Variants in PLBD1 observed in about 807,000 individuals in gnomAD.
PLBD1 encodes the protein lysosomal leucine aminopeptidase.
Under a neutral mutation model 63.0 loss-of-function variants are expected in PLBD1, and 60 were observed. The ratio of observed to expected loss-of-function variants is 0.95; its 90% CI spans 0.77 to 1.18. The LOEUF (loss-of-function observed/expected upper bound fraction) is 1.18, where lower values mean the gene tolerates loss of function less well. PLBD1 is among the 50% of genes most tolerant of loss of function. The pLI, the probability that PLBD1 is intolerant of heterozygous loss-of-function variation, is 0.00. For synonymous variants in PLBD1, 262 were observed against 248.0 expected (o/e 1.06, Z -0.53); for missense variants, 598 against 677.9 (o/e 0.88, Z 1.31).
chr12:14,504,464 T>C (rs748724650), intron 10 of PLBD1, among the ~76,000 whole-genome samples: 19 of 152,254 alleles, frequency 1.2e-4, no homozygotes, highest in Admixed American at 2.0e-4. Flanking sequence ...AAATGAACAA[T>C]GTAGCCAAAA....
chr12:14,530,923 A>T (rs1209076559), intron 6 of PLBD1: 1 of 152,244 alleles, frequency 6.6e-6, no homozygotes, highest in African/African-American at 2.4e-5. Context: ...CTTGTTAGGG[A>T]CAGAAACTCC....
intron 5 of PLBD1, chr12:14,536,264 A>G (rs1945513768): frequency 3.3e-6 from 1 of 299,694 alleles, no homozygotes; most frequent in Non-Finnish European, 6.3e-6. Context: ...ACACCACTGC[A>G]CTCCAGCCTG....
At chr12:14,518,626 A>G (rs1490878381) in intron 6 of PLBD1, among the ~76,000 whole-genome samples, 1 of 152,176 alleles carries the variant, frequency 6.6e-6, no homozygotes, top group African/African-American at 2.4e-5. Flanking sequence ...AGTTCCTACC[A>G]TGTCCACATC....
intron 2 of PLBD1, among the ~76,000 whole-genome samples, chr12:14,551,552 A>AT (rs1290420223): frequency 6.6e-6 from 1 of 152,080 alleles, no homozygotes; most frequent in Non-Finnish European, 1.5e-5. Context: ...GTTAAAGCTT[A>AT]TTTTTTTCTG....
chr12:14,505,713 A>G (rs17344514), intron 10 of PLBD1, among the ~76,000 whole-genome samples: 2,921 of 152,318 alleles, frequency 0.019, 28 homozygotes, highest in Middle Eastern at 0.034. Flanking sequence ...TTGCTCCTTC[A>G]GCTAAATTTG....
chr12:14,505,818 T>C (rs1945250133), intron 10 of PLBD1, among the ~76,000 whole-genome samples: 1 of 152,248 alleles, frequency 6.6e-6, no homozygotes, highest in African/African-American at 2.4e-5. Flanking sequence ...AACATCATTA[T>C]GGTTGTATAC....
chr12:14,511,085 ATGTAGGTTTACATGT>A (rs1945293996), intron 8 of PLBD1, among the ~76,000 whole-genome samples, 160 bp downstream of exon 8: 1 of 152,162 alleles, frequency 6.6e-6, no homozygotes, highest in South Asian at 2.1e-4. Context: ...AGAGTTTGAG[ATGTAGGTTTACATGT>A]TGTGCTAAAC....
At chr12:14,512,624 G>T (rs1396543499) in intron 6 of PLBD1, among the ~76,000 whole-genome samples, 2 of 152,158 alleles carry the variant, frequency 1.3e-5, no homozygotes, top group Non-Finnish European at 2.9e-5. Flanking sequence ...TTTATACTGG[G>T]ATGAGTATGG....
chr12:14,507,164 G>A, intron 8 of PLBD1, 46 bp from the exon 9 acceptor site: 1 of 1,421,884 alleles, frequency 7.0e-7, no homozygotes, highest in Admixed American at 1.9e-5. Flanking sequence ...GACAGGGAAG[G>A]AGACAGAAAA....
intron 4 of PLBD1, among the ~76,000 whole-genome samples, chr12:14,537,075 C>T (rs1020789757): frequency 3.6e-4 from 47 of 130,540 alleles, no homozygotes; most frequent in Non-Finnish European, 5.6e-4. Flanking sequence ...GGCAACAGAG[C>T]GAGACCGCAT....
Position 14,553,037 on chromosome 12 carries a change from C to T in PLBD1, c.335+156G>A, listed in dbSNP as rs113028918. ...GAGACTGTGTCCCATGCCTCACCCC[C>T]GCAAAAATGCAATTCTGATAATGTC... On this transcript the variant is annotated intron_variant, in intron 2 of 10. Transcript: ENST00000240617. 2.2e-3 allele frequency among the ~76,000 whole-genome samples: 342 copies of T among 152,278 alleles called. 1 individual carries two copies. The highest frequency in any genetic ancestry group is 5.8e-3 in the African/African-American group (242 of 41,554).
At chr12:14,545,084 AGT>A (rs1392845366) in intron 2 of PLBD1, among the ~76,000 whole-genome samples, 1 of 151,938 alleles carries the variant, frequency 6.6e-6, no homozygotes, top group Non-Finnish European at 1.5e-5. Flanking sequence ...CAGGTCTTAC[AGT>A]GCCTTTTTGG....
chr12:14,510,737 G>GTC (rs1945291566), intron 8 of PLBD1, among the ~76,000 whole-genome samples: 1 of 152,148 alleles, frequency 6.6e-6, no homozygotes, highest in South Asian at 2.1e-4. Context: ...TTGCCCACCA[G>GTC]AAGTGCCTTC....
chr12:14,567,080 G>C (rs987605774), intron 1 of PLBD1, among the ~76,000 whole-genome samples: 3 of 152,152 alleles, frequency 2.0e-5, no homozygotes, highest in Non-Finnish European at 2.9e-5. Context: ...CGCCCACAGA[G>C]AGCGACTCTG....
At chr12:14,538,386 G>T (rs940073309) in intron 4 of PLBD1, among the ~76,000 whole-genome samples, 49 of 152,086 alleles carry the variant, frequency 3.2e-4, no homozygotes, top group Non-Finnish European at 6.0e-4. Flanking sequence ...TAGAGATGGG[G>T]TTTCACCATG....
At chr12:14,538,051 A>G (rs1429781861) in intron 4 of PLBD1, among the ~76,000 whole-genome samples, 1 of 152,024 alleles carries the variant, frequency 6.6e-6, no homozygotes, top group Non-Finnish European at 1.5e-5. Flanking sequence ...TAAAATTTTT[A>G]AAAACATACA....
intron 1 of PLBD1, 46 bp from the exon 2 acceptor site, chr12:14,553,458 G>A: frequency 6.9e-7 from 1 of 1,450,664 alleles, no homozygotes. Context: ...CAAATGAGTT[G>A]TGATGCATTT....
chr12:14,528,783 G>A (rs952097658), intron 6 of PLBD1, among the ~76,000 whole-genome samples: 1 of 151,950 alleles, frequency 6.6e-6, no homozygotes, highest in Non-Finnish European at 1.5e-5. Context: ...GAATGATAAT[G>A]GGGACTTTAC....
chr12:14,506,353 G>A, intron 9 of PLBD1, 85 bp from the exon 10 acceptor site: 2 of 962,928 alleles, frequency 2.1e-6, no homozygotes, highest in Non-Finnish European at 1.6e-6. Context: ...GCCTGTTAAA[G>A]CCTAGATAAT....
Sources: gnomAD v4.1 joint callset for allele counts (sites outside exome capture counted in the v4.1 genomes callset) on GRCh38, gnomAD v4.1.1 for gene constraint, MANE v1.5 for transcripts, NCBI Gene and HGNC (gene_info 2026-07-23, HGNC 2026-07-21) for gene names.